The following ZFP62 variants were observed in gnomAD, a reference collection of about 807,000 sequenced individuals.
ZFP62 encodes ZFP62 zinc finger protein.
In ZFP62, 44 loss-of-function variants were observed where a neutral mutation model predicts 56.4. That is an observed-to-expected ratio of 0.78 (90% CI 0.61 to 1.00). The LOEUF (loss-of-function observed/expected upper bound fraction) is 1.00, where lower values mean the gene tolerates loss of function less well. Among genes scored for constraint, ZFP62 ranks in the 50% least tolerant of loss-of-function variants. The pLI, the probability that ZFP62 is intolerant of heterozygous loss-of-function variation, is 0.00. For synonymous variants in ZFP62, 421 were observed against 388.9 expected (o/e 1.08, Z -0.97); for missense variants, 1,030 against 1,085.7 (o/e 0.95, Z 0.72).
chr5:180,847,955 C>T lies in ZFP62; in HGVS notation c.*837G>A. The T allele has an allele frequency of 1.0e-6, 1 of 985,408 alleles. No homozygotes were observed. Among genetic ancestry groups the T allele is most frequent in the Non-Finnish European group, 1.2e-6 (1 of 829,924 alleles). 61.0% of individuals were successfully genotyped at this position (985,408 alleles called of 1,614,324 possible). On this transcript the variant is annotated 3_prime_UTR_variant, in exon 2 of 2. Transcript: ENST00000502412. ...GCGAATTCATGTTGACGGTGTGTTC[C>T]ATTAGTTACTGAATGTGTCAAAATC...
In ZFP62 at chr5:180,850,452, T is replaced by C. The variant is rs1773634134; in HGVS notation, c.1043A>G (p.Tyr348Cys). Residue 348 changes from tyrosine (Y) to cysteine (C), a missense_variant, in exon 2 of 2, where the codon TAT becomes TGT. Coordinates refer to ENST00000502412, the MANE Select transcript of ZFP62 (RefSeq NM_001172638.2). ...KCDECEKSFNYSSLLIQHKVI... is the reference protein window; with the variant it reads ...KCDECEKSFNCSSLLIQHKVI... ...TTTATGCTGAATGAGAAGAGAGCTATAATTAAAAGATTTCTCACACTCATC... is the reference window on the plus strand; with the variant it reads ...TTTATGCTGAATGAGAAGAGAGCTACAATTAAAAGATTTCTCACACTCATC... The C allele has an allele frequency of 1.3e-6, 2 of 1,553,000 alleles. No individual in the cohort carries two copies. The highest frequency in any genetic ancestry group is 2.0e-5 in the Admixed American group (1 of 51,034).
chr5:180,845,646 A>T, downstream of ZFP62: 1 of 906,792 alleles, frequency 1.1e-6, no homozygotes, highest in Non-Finnish European at 1.3e-6. Context: ...GAAGCTGGAG[A>T]AGAGAAATGA....
chr5:180,849,446 G>A lies in ZFP62; in HGVS notation c.2049C>T (p.Ile683=), dbSNP rs1268107158. The A allele has an allele frequency of 2.6e-6, 4 of 1,551,954 alleles. No homozygotes were observed. The highest frequency in any genetic ancestry group is 2.4e-5 in the South Asian group (2 of 84,064). Residue 683 remains isoleucine, a synonymous_variant, in exon 2 of 2, where the codon ATC becomes ATT. Transcript: ENST00000502412. ...YECDVCGKAY[I]SHSSLINHKS... is the part of the protein sequence containing the mutation. The stretch of plus-strand genomic sequence containing the variant: ...TATGGTTAATAAGGCTTGAGTGTGA[G>A]ATGTAGGCTTTTCCACACACATCAC...
At position 180,849,498 on chromosome 5, in the gene ZFP62, A is replaced by G. The variant is rs1773562841; in HGVS notation, c.1997T>C (p.Ile666Thr). The G allele has an allele frequency of 6.4e-7, 1 of 1,552,080 alleles. No individual in the cohort carries two copies. The highest frequency in any genetic ancestry group is 2.0e-5 in the Admixed American group (1 of 50,980). ...NNSSLKVHKR[I>T]HTGERPYECD... ...TTCATAGGGCCTCTCCCCAGTATGG[A>G]TTCTTTTATGAACTTTAAGGCTTGA... is the stretch of plus-strand genomic sequence containing the variant. The change falls in exon 2 of 2, where the codon ATC (isoleucine) becomes ACC (threonine). Residue 666 changes from isoleucine (I) to threonine (T), a missense_variant. By Grantham distance (89) the Ile-to-Thr change is moderately conservative (BLOSUM62 -1). Coordinates refer to ENST00000502412, the MANE Select transcript of ZFP62 (RefSeq NM_001172638.2).
Position 180,850,615 on chromosome 5 carries a change from A to G in ZFP62, c.880T>C (p.Ser294Pro). The G allele has an allele frequency of 6.4e-7, 1 of 1,568,290 alleles. No individual in the cohort carries two copies. The highest frequency in any genetic ancestry group is 1.9e-5 in the Admixed American group (1 of 52,406). The stretch of plus-strand genomic sequence containing the variant: ...ATCCTTTTATGGACCCTAAGGCCAG[A>G]GCTGTTACTGAAGGTTTTCCCACAG... ...DICGKTFSNS[S>P]GLRVHKRIHT... is the part of the protein sequence containing the mutation. The change falls in exon 2 of 2, where the codon TCT becomes CCT. Residue 294 changes from serine to proline, a missense_variant. Transcript: ENST00000502412.
chr5:180,850,786 T>C lies in ZFP62; in HGVS notation c.709A>G (p.Ser237Gly). 2 of 1,589,560 alleles carry C rather than the reference T, an allele frequency of 1.3e-6. No individual in the cohort carries two copies. The highest frequency in any genetic ancestry group is 2.3e-5 in the South Asian group (2 of 88,132). Residue 237 changes from serine (S) to glycine (G), a missense_variant, in exon 2 of 2, where the codon AGC becomes GGC. Coordinates refer to ENST00000502412, the MANE Select transcript of ZFP62 (RefSeq NM_001172638.2). ...CTTTTATGCTGGTCCAGAACAGAGC[T>C]ATAATTGAAGGATTTTCCACATTCA... ...CDECGKSFNY[S>G]SVLDQHKRIH...
Position 180,848,031 on chromosome 5 carries a change from C to T in ZFP62, c.*761G>A. On this transcript the variant is annotated 3_prime_UTR_variant, in exon 2 of 2. Transcript: ENST00000502412. ...TAGCATAATGTGTGAATACCACTTC[C>T]AGGTTATCCCTCATCACAAATTCAT... is the stretch of plus-strand genomic sequence containing the variant. The T allele has an allele frequency of 1.0e-6, 1 of 985,410 alleles. No homozygotes were observed. Among genetic ancestry groups the T allele is most frequent in the Non-Finnish European group, 1.2e-6 (1 of 829,924 alleles). 61.0% of individuals were successfully genotyped at this position (985,410 alleles called of 1,614,324 possible).
chr5:180,852,306 C>T (rs1330974709), intron 1 of ZFP62, among the ~76,000 whole-genome samples: 1 of 151,968 alleles, frequency 6.6e-6, no homozygotes, highest in African/African-American at 2.4e-5. Flanking sequence ...ACCTGTAATC[C>T]CACCACTTTG....
At chr5:180,845,095 T>C (rs1026497991), downstream of ZFP62, among the ~76,000 whole-genome samples, 21 of 151,378 alleles carry the variant, frequency 1.4e-4, no homozygotes, top group Non-Finnish European at 2.9e-4. Context: ...ACCTTGGGAG[T>C]CTGAGGCTGG....
At chr5:180,828,249 C>A in the ZFP62 span, among the ~76,000 whole-genome samples, 1 of 152,200 alleles carries the variant, frequency 6.6e-6, no homozygotes, top group Non-Finnish European at 1.5e-5. Context: ...CCTGCCAAAC[C>A]TCTGGTGGTA....
At chr5:180,854,463 C>CT (rs1773869697) in intron 1 of ZFP62, among the ~76,000 whole-genome samples, 1 of 152,214 alleles carries the variant, frequency 6.6e-6, no homozygotes, top group Non-Finnish European at 1.5e-5. Context: ...CACTCTGCAA[C>CT]TATCAGAGTA....
chr5:180,827,095 T>C, the ZFP62 span, among the ~76,000 whole-genome samples: 7 of 152,206 alleles, frequency 4.6e-5, no homozygotes, highest in East Asian at 3.8e-4. Flanking sequence ...TAAGCCACTA[T>C]ACAAAAAGAC....
the ZFP62 span, among the ~76,000 whole-genome samples, chr5:180,840,611 G>C: frequency 6.6e-6 from 1 of 151,954 alleles, no homozygotes; most frequent in African/African-American, 2.4e-5. Context: ...ACAAAAATGA[G>C]CCGGGCATGT....
At chr5:180,833,025 G>A in the ZFP62 span, among the ~76,000 whole-genome samples, 1 of 152,202 alleles carries the variant, frequency 6.6e-6, no homozygotes, top group African/African-American at 2.4e-5. Context: ...CACACGGACT[G>A]TTTACAAGGC....
rs1773461150 is a variant in ZFP62 at position 180,847,736 on chromosome 5, T to C, written c.*1056A>G. ...TTAACATTTTACAACAGACAACATA[T>C]ACATGTCCTGCATGACATCTTTACA... On this transcript the variant is annotated 3_prime_UTR_variant, in exon 2 of 2. Coordinates refer to ENST00000502412, the MANE Select transcript of ZFP62 (RefSeq NM_001172638.2). The C allele has an allele frequency of 7.1e-6, 7 of 985,444 alleles. No individual in the cohort carries two copies. The highest frequency in any genetic ancestry group is 8.4e-6 in the Non-Finnish European group (7 of 829,932). The allele number at this position is 985,444 out of a possible 1,614,324, so 61.0% of individuals were successfully genotyped here.
the ZFP62 span, among the ~76,000 whole-genome samples, chr5:180,828,217 G>A: frequency 4.0e-4 from 61 of 152,322 alleles, no homozygotes; most frequent in African/African-American, 1.4e-3. Flanking sequence ...GTGTGGAGGG[G>A]CAACCCACCC....
chr5:180,840,845 A>T, the ZFP62 span, among the ~76,000 whole-genome samples: 1 of 151,316 alleles, frequency 6.6e-6, no homozygotes, highest in African/African-American at 2.4e-5. Context: ...GGAAGGTGTT[A>T]AGATCACAGG....
chr5:180,834,907 G>A, the ZFP62 span: 4 of 152,016 alleles, frequency 2.6e-5, no homozygotes, highest in Admixed American at 2.6e-4. Context: ...GATCATGGCA[G>A]TGGCATTATA....
chr5:180,841,780 G>A, the ZFP62 span, among the ~76,000 whole-genome samples: 1 of 152,236 alleles, frequency 6.6e-6, no homozygotes, highest in East Asian at 1.9e-4. Context: ...AAGGTCCAGT[G>A]CTGTGGCTCA....
Sources: gnomAD v4.1 joint callset for allele counts (sites outside exome capture counted in the v4.1 genomes callset) on GRCh38, gnomAD v4.1.1 for gene constraint, MANE v1.5 for transcripts, NCBI Gene and HGNC (gene_info 2026-07-23, HGNC 2026-07-21) for gene names.